Variants in PLXNA4 observed in about 807,000 individuals in gnomAD.
PLXNA4 encodes the protein plexin A4.
A neutral mutation model predicts 191.8 loss-of-function variants in PLXNA4; 44 were observed. That is an observed-to-expected ratio of 0.23 (90% CI 0.18 to 0.29). PLXNA4 has a LOEUF of 0.29. PLXNA4 is among the 10% of genes least tolerant of loss of function. PLXNA4 has a pLI of 1.00. For synonymous variants in PLXNA4, 1,082 were observed against 1,009.5 expected, an observed-to-expected ratio of 1.07 and a Z score of -1.36; for missense variants, 1,800 against 2,488.8, an observed-to-expected ratio of 0.72 and a Z score of 5.89.
chr7:132,462,714 T>C (rs1023187001), intron 3 of PLXNA4, among the ~76,000 whole-genome samples: 10 of 152,098 alleles, frequency 6.6e-5, no homozygotes, highest in Non-Finnish European at 1.5e-4. Flanking sequence ...GTCTTTGGTA[T>C]TCACAGGCAT....
chr7:132,566,666 C>T (rs554149796), intron 1 of PLXNA4, among the ~76,000 whole-genome samples: 22 of 152,266 alleles, frequency 1.4e-4, no homozygotes, highest in African/African-American at 5.1e-4. Flanking sequence ...TGCAAACATC[C>T]ATCTTGATCT....
intron 2 of PLXNA4, among the ~76,000 whole-genome samples, chr7:132,616,315 G>A (rs1330745873): frequency 1.3e-5 from 2 of 152,180 alleles, no homozygotes; most frequent in African/African-American, 4.8e-5. Context: ...GCCTGTCTCA[G>A]CCTGTTCTCT....
chr7:132,279,148 C>A (rs1800385218), intron 4 of PLXNA4, among the ~76,000 whole-genome samples: 1 of 152,160 alleles, frequency 6.6e-6, no homozygotes, highest in Admixed American at 6.5e-5. Context: ...CCATTGTGGT[C>A]ATCTGGAAAG....
intron 4 of PLXNA4, among the ~76,000 whole-genome samples, chr7:132,267,111 G>T (rs2116299329): frequency 6.6e-6 from 1 of 152,284 alleles, no homozygotes; most frequent in East Asian, 1.9e-4. Flanking sequence ...CAAGTAAGGA[G>T]CATCCAGGAG....
Position 132,203,310 on chromosome 7 carries a change from AGCCCT to A in PLXNA4, c.2395+8_2395+12del. 2 of 1,386,532 alleles carry A rather than the reference AGCCCT, an allele frequency of 1.4e-6. No individual in the cohort carries two copies. The highest frequency in any genetic ancestry group is 2.0e-6 in the Non-Finnish European group (2 of 1,016,228). The allele number at this position is 1,386,532 out of a possible 1,614,324, so 85.9% of individuals were successfully genotyped here. On this transcript the variant is annotated splice_region_variant and intron_variant, in intron 11 of 31. Coordinates refer to ENST00000321063, the MANE Select transcript of PLXNA4 (RefSeq NM_020911.2). ...TCCCCTCCCTCCCCTGCTAGGCCCC[AGCCCT>A]TCCACACCTTTATTCTGAGCTGGGT...
intron 2 of PLXNA4, among the ~76,000 whole-genome samples, chr7:132,499,314 G>A (rs1367839117): frequency 6.6e-6 from 1 of 152,252 alleles, no homozygotes; most frequent in Admixed American, 6.5e-5. Context: ...CTCTAGGCCA[G>A]CCTACCAAGA....
chr7:132,237,017 C>T (rs1224855538), intron 5 of PLXNA4, among the ~76,000 whole-genome samples: 1 of 152,168 alleles, frequency 6.6e-6, no homozygotes, highest in African/African-American at 2.4e-5. Context: ...GAAAGGCCCA[C>T]TGGGAAGAAG....
intron 3 of PLXNA4, among the ~76,000 whole-genome samples, chr7:132,359,971 G>A (rs557522105): frequency 1.3e-5 from 2 of 152,260 alleles, no homozygotes; most frequent in Admixed American, 1.3e-4. Flanking sequence ...ACAGTAATGG[G>A]CCTCAGTGTG....
chr7:132,133,008 C>A (rs2116504938), intron 31 of PLXNA4, 41 bp downstream of exon 31: 1 of 1,596,182 alleles, frequency 6.3e-7, no homozygotes. Flanking sequence ...CATTCTCTTC[C>A]CCCTTCCATC....
chr7:132,563,395 TCTC>T (rs1386502917), intron 1 of PLXNA4, among the ~76,000 whole-genome samples: 392 of 22,194 alleles, frequency 0.018, 27 homozygotes, highest in Middle Eastern at 0.1. Context: ...TCCTCCTCTT[TCTC>T]CTCCTCCTCC....
intron 4 of PLXNA4, among the ~76,000 whole-genome samples, chr7:132,289,504 G>A (rs1216933713): frequency 2.0e-5 from 3 of 152,110 alleles, no homozygotes; most frequent in African/African-American, 7.2e-5. Context: ...AGGGAGCTTA[G>A]GGAATGCATC....
At chr7:132,265,832 T>TG (rs1225142563) in intron 4 of PLXNA4, among the ~76,000 whole-genome samples, 6 of 152,102 alleles carry the variant, frequency 3.9e-5, no homozygotes, top group Non-Finnish European at 8.8e-5. Flanking sequence ...CAGTGCAGGA[T>TG]GGGGGTCCCA....
At position 132,123,867 on chromosome 7, in the gene PLXNA4, C is replaced by G. The variant is rs1794700993; in HGVS notation, c.*6612G>C. 6.6e-6 allele frequency: 1 copy of G among 152,360 alleles called. No individual in the cohort carries two copies. The highest frequency in any genetic ancestry group is 2.4e-5 in the African/African-American group (1 of 41,476). The allele number at this position is 152,360 out of a possible 1,614,324, so 9.4% of individuals were successfully genotyped here. On this transcript the variant is annotated 3_prime_UTR_variant, in exon 32 of 32. Coordinates refer to ENST00000321063, the MANE Select transcript of PLXNA4 (RefSeq NM_020911.2). The stretch of plus-strand genomic sequence containing the variant: ...TTCTCCCCTTCTCTAGCATTTGAAG[C>G]TCAACTCTGGGTCCTCTGGCTGGGC...
rs753671738 is a variant in PLXNA4 at position 132,124,781 on chromosome 7, C to T, written c.*5698G>A. The T allele has an allele frequency of 6.6e-6, 1 of 152,208 alleles. No homozygotes were observed. The highest frequency in any genetic ancestry group is 2.4e-5 in the African/African-American group (1 of 41,466). The allele number at this position is 152,208 out of a possible 1,614,324, so 9.4% of individuals were successfully genotyped here. On this transcript the variant is annotated 3_prime_UTR_variant, in exon 32 of 32. Transcript: ENST00000321063. The stretch of plus-strand genomic sequence containing the variant: ...TGGAATAAAGTGAGGCTCCCGCAAC[C>T]CAGGATTTTCAGCCTACCTGAATCA...
chr7:132,275,681 G>T (rs1212286791), intron 4 of PLXNA4, among the ~76,000 whole-genome samples: 1 of 152,098 alleles, frequency 6.6e-6, no homozygotes, highest in Non-Finnish European at 1.5e-5. Context: ...ATGCCTCCCT[G>T]ATTGCTGCTA....
Position 132,246,768 on chromosome 7 carries a change from AATCATCATCATCATC to A in PLXNA4, c.1504-5617_1504-5603del, listed in dbSNP as rs34617807. On this transcript the variant is annotated intron_variant, in intron 4 of 31. Coordinates refer to ENST00000321063, the MANE Select transcript of PLXNA4 (RefSeq NM_020911.2). ...AATTATCATTTGCTGTTGTACATGCAATCATCATCATCATCATCATCATCATCATCATCATCATCC... is the reference window on the plus strand; with the variant it reads ...AATTATCATTTGCTGTTGTACATGCAATCATCATCATCATCATCATCATCC... Among the ~76,000 whole-genome samples, 248 of 149,996 alleles carry A rather than the reference AATCATCATCATCATC, an allele frequency of 1.7e-3. 3 individuals are homozygous for A. The highest frequency in any genetic ancestry group is 4.4e-3 in the African/African-American group (180 of 40,890).
intron 3 of PLXNA4, among the ~76,000 whole-genome samples, chr7:132,430,686 C>A (rs547128003): frequency 6.6e-6 from 1 of 152,272 alleles, no homozygotes; most frequent in South Asian, 2.1e-4. Context: ...GCTAACAACC[C>A]AGAGTTAAGC....
At chr7:132,409,144 T>C (rs150165359) in intron 3 of PLXNA4, among the ~76,000 whole-genome samples, 255 of 152,282 alleles carry the variant, frequency 1.7e-3, no homozygotes, top group Non-Finnish European at 3.2e-3. Flanking sequence ...GGATTGAACA[T>C]CTGGAGCCAA....
intron 3 of PLXNA4, among the ~76,000 whole-genome samples, chr7:132,410,694 A>G (rs1274889319): frequency 1.3e-5 from 2 of 152,212 alleles, no homozygotes; most frequent in Non-Finnish European, 2.9e-5. Flanking sequence ...AAAAACAGAC[A>G]TGCAATCACT....
Sources: allele counts gnomAD v4.1 joint callset (sites outside exome capture counted in the v4.1 genomes callset), GRCh38; gene constraint gnomAD v4.1.1; transcripts MANE v1.5; gene names NCBI Gene and HGNC (gene_info 2026-07-23, HGNC 2026-07-21).